DUSP7: variants seen among roughly 807,000 people sequenced by gnomAD.
The protein encoded by DUSP7 is dual specificity phosphatase 7.
In DUSP7, 7 loss-of-function variants were observed where a neutral mutation model predicts 29.8. That is an observed-to-expected ratio of 0.24 (90% confidence interval 0.13 to 0.44). The LOEUF (loss-of-function observed/expected upper bound fraction) is 0.44. Ranked by LOEUF, DUSP7 falls within the 20% of genes least tolerant of loss-of-function variation. The pLI, the probability that DUSP7 is intolerant of heterozygous loss-of-function variation, is 1.00. For missense variants in DUSP7, 400 were observed against 583.7 expected (o/e 0.69, Z 3.24); for synonymous variants, 287 against 275.4 (o/e 1.04, Z -0.42).
At position 52,050,630 on chromosome 3, in the gene DUSP7, A is replaced by T; in HGVS notation, c.*185T>A. 1.4e-6 allele frequency: 1 copy of T among 696,214 alleles called. No homozygotes were observed. The highest frequency in any genetic ancestry group is 2.3e-6 in the Non-Finnish European group (1 of 432,114). 43.1% of individuals were successfully genotyped at this position (696,214 alleles called of 1,614,324 possible). A position where few individuals can be genotyped will look rare whatever the true frequency, so the allele number is the denominator to read the frequency against. The stretch of plus-strand genomic sequence containing the variant: ...TCTCCAGCAAGCCCTGCAGTGGGAG[A>T]CCTTGCCTGCGGGCCCTGCCCCCAA... On this transcript the variant is annotated 3_prime_UTR_variant, in exon 3 of 3. Coordinates refer to ENST00000495880, the MANE Select transcript of DUSP7 (RefSeq NM_001947.4). This position sits in a 1 kb window ranked among gnomAD's most constrained non-coding sequence, Gnocchi z 5.0.
Position 52,050,727 on chromosome 3 carries a change from G to A in DUSP7, c.*88C>T. On this transcript the variant is annotated 3_prime_UTR_variant, in exon 3 of 3. Coordinates refer to ENST00000495880, the MANE Select transcript of DUSP7 (RefSeq NM_001947.4). The surrounding 1 kb of genome is among the most constrained non-coding windows in gnomAD (Gnocchi z 5.0). ...ACAGGTGACATCTGGGGGTTCCTCA[G>A]GCCAGAGGTGGCGGGCTTGGGCTCT... 4 of 1,422,218 alleles carry A rather than the reference G, an allele frequency of 2.8e-6. No homozygotes were observed. The highest frequency in any genetic ancestry group is 3.8e-6 in the Non-Finnish European group (4 of 1,054,192). 88.1% of individuals were successfully genotyped at this position (1,422,218 alleles called of 1,614,324 possible).
rs767025058 is a variant in DUSP7 at position 52,049,782 on chromosome 3, A to AAGAG, written c.*1029_*1032dup. On this transcript the variant is annotated 3_prime_UTR_variant, in exon 3 of 3. Transcript: ENST00000495880. ...AGAGAGAAAGAGAGAGAGGGAGAGG[A>AAGAG]AGAGAGAGAGACAGACAGACAGACA... 1 of 151,932 alleles carries AAGAG rather than the reference A, an allele frequency of 6.6e-6. No homozygotes were observed. 9.4% of individuals were successfully genotyped at this position (151,932 alleles called of 1,614,324 possible). A position where few individuals can be genotyped will look rare whatever the true frequency, so the allele number is the denominator to read the frequency against.
Position 52,053,900 on chromosome 3 carries a change from T to C in DUSP7, c.952+40A>G. The C allele has an allele frequency of 6.2e-7, 1 of 1,611,378 alleles. No individual in the cohort carries two copies. The highest frequency in any genetic ancestry group is 8.5e-7 in the Non-Finnish European group (1 of 1,177,828). On this transcript the variant is annotated intron_variant, in intron 2 of 2. Coordinates refer to ENST00000495880, the MANE Select transcript of DUSP7 (RefSeq NM_001947.4). The surrounding 1 kb of genome is among the most constrained non-coding windows in gnomAD (Gnocchi z 4.6). The stretch of plus-strand genomic sequence containing the variant: ...GCCACCCAGAGTCCTGCATACACCT[T>C]GATGCACCCACACCCCCCTGCCCAG...
chr3:52,055,986 G>C lies in DUSP7; in HGVS notation c.381C>G (p.Arg127=). 6.3e-7 allele frequency: 1 copy of C among 1,580,846 alleles called. No individual in the cohort carries two copies. The highest frequency in any genetic ancestry group is 8.6e-7 in the Non-Finnish European group (1 of 1,164,132). ...NHADKERFAT[R]CKAATVLLYD... ...AGAGCAGCACGGTGGCCGCCTTGCA[G>C]CGCGTGGCGAAGCGCTCCTTGTCGG... The change falls in exon 1 of 3, where the codon CGC becomes CGG. Residue 127 remains arginine (R), a synonymous_variant. Transcript: ENST00000495880.
chr3:52,050,428 C>A lies in DUSP7; in HGVS notation c.*387G>T. Reference sequence around the variant, plus strand: ...AAAGAAAAATCAAGAAGAGCTCAAACACTCTTTGTGCTCCAGGGAGCTTGG... The same window carrying A: ...AAAGAAAAATCAAGAAGAGCTCAAAAACTCTTTGTGCTCCAGGGAGCTTGG... On this transcript the variant is annotated 3_prime_UTR_variant, in exon 3 of 3. Transcript: ENST00000495880. The surrounding 1 kb of genome is among the most constrained non-coding windows in gnomAD (Gnocchi z 5.0). 1.2e-5 allele frequency: 2 copies of A among 163,856 alleles called. No individual in the cohort carries two copies. The highest frequency in any genetic ancestry group is 1.3e-5 in the Non-Finnish European group (1 of 77,470). 10.2% of individuals were successfully genotyped at this position (163,856 alleles called of 1,614,324 possible). A position where few individuals can be genotyped will look rare whatever the true frequency, so the allele number is the denominator to read the frequency against.
In DUSP7 at chr3:52,049,455, C is replaced by T. The variant is rs1217408605; in HGVS notation, c.*1360G>A. 2 of 152,292 alleles carry T rather than the reference C, an allele frequency of 1.3e-5. No individual in the cohort carries two copies. Among genetic ancestry groups the T allele is most frequent in the African/African-American group, 4.8e-5 (2 of 41,452 alleles). The allele number at this position is 152,292 out of a possible 1,614,324, so 9.4% of individuals were successfully genotyped here. ...AGGGGGAAGTGAACAGAGCCTTACC[C>T]CCCTTCTGCTGGTCCATCCTTGCCC... is the stretch of plus-strand genomic sequence containing the variant. On this transcript the variant is annotated 3_prime_UTR_variant, in exon 3 of 3. Coordinates refer to ENST00000495880, the MANE Select transcript of DUSP7 (RefSeq NM_001947.4).
rs1277165294 is a variant in DUSP7, at chr3:52,054,980, G to A, written c.518-606C>T. Among the ~76,000 whole-genome samples the A allele has an allele frequency of 2.0e-5, 3 of 152,170 alleles. No homozygotes were observed. The highest frequency in any genetic ancestry group is 2.0e-4 in the Admixed American group (3 of 15,282). On this transcript the variant is annotated intron_variant, in intron 1 of 2. Coordinates refer to ENST00000495880, the MANE Select transcript of DUSP7 (RefSeq NM_001947.4). The surrounding 1 kb of genome is among the most constrained non-coding windows in gnomAD (Gnocchi z 4.1). ...CCCCAGCAGGGGCAGGTTTTTGAAG[G>A]GGGTCCTGGCTCCACTTCTCTAGAA...
Position 52,055,765 on chromosome 3 carries a change from G to C in DUSP7, c.517+85C>G, listed in dbSNP as rs1487653089. The C allele has an allele frequency of 5.6e-6, 8 of 1,418,418 alleles. No individual in the cohort carries two copies. In the South Asian group the frequency reaches 1.2e-4, roughly 21 times the overall value. The allele number at this position is 1,418,418 out of a possible 1,614,324, so 87.9% of individuals were successfully genotyped here. On this transcript the variant is annotated intron_variant, in intron 1 of 2. Transcript: ENST00000495880. Reference sequence around the variant, plus strand: ...GCGCCCAGAGGGGCAGGCCGAGCGCGTGGAGAGGAAAGCGCCTCCAAGGGG... The same window carrying C: ...GCGCCCAGAGGGGCAGGCCGAGCGCCTGGAGAGGAAAGCGCCTCCAAGGGG...
chr3:52,056,437 C>A lies in DUSP7; in HGVS notation c.-71G>T. Reference sequence around the variant, plus strand: ...GGGACGGCGCCCCGGCCGCGCGGGCCCCAGCCGCGTCTCCGGGCGCCCGCC... The same window carrying A: ...GGGACGGCGCCCCGGCCGCGCGGGCACCAGCCGCGTCTCCGGGCGCCCGCC... On this transcript the variant is annotated 5_prime_UTR_variant, in exon 1 of 3. Transcript: ENST00000495880. This position sits in a 1 kb window ranked among gnomAD's most constrained non-coding sequence, Gnocchi z 6.4. 3.5e-6 allele frequency: 3 copies of A among 859,386 alleles called. No homozygotes were observed. Among genetic ancestry groups the A allele is most frequent in the Non-Finnish European group, 4.2e-6 (3 of 717,070 alleles). 53.2% of individuals were successfully genotyped at this position (859,386 alleles called of 1,614,324 possible).
chr3:52,052,148 G>A (rs1163877335), intron 2 of DUSP7: 1 of 152,260 alleles, frequency 6.6e-6, no homozygotes, highest in Non-Finnish European at 1.5e-5. Context: ...GCCTCTCTGT[G>A]TGCCACAGCT....
chr3:52,055,893 T>A lies in DUSP7; in HGVS notation c.474A>T (p.Leu158=). The change falls in exon 1 of 3, where the codon CTA becomes CTT. Residue 158 remains leucine (L), a synonymous_variant. Transcript: ENST00000495880. The part of the protein sequence containing the change: ...GAPASVLGLL[L]QKLRDDGCQA... ...GGCAGCCGTCGTCGCGCAGCTTCTG[T>A]AGGAGCAGGCCGAGCACGGAGGCGG... The A allele has an allele frequency of 6.3e-7, 1 of 1,576,236 alleles. No homozygotes were observed. The highest frequency in any genetic ancestry group is 8.6e-7 in the Non-Finnish European group (1 of 1,163,412).
chr3:52,056,010 G>A lies in DUSP7; in HGVS notation c.357C>T (p.Ala119=). The A allele has an allele frequency of 1.3e-6, 2 of 1,589,410 alleles. No individual in the cohort carries two copies. The highest frequency in any genetic ancestry group is 1.3e-5 in the African/African-American group (1 of 74,566). The change falls in exon 1 of 3, where the codon GCC becomes GCT. Residue 119 remains alanine (A), a synonymous_variant. Transcript: ENST00000495880. This position sits in a 1 kb window ranked among gnomAD's most constrained non-coding sequence, Gnocchi z 6.4. The stretch of plus-strand genomic sequence containing the variant: ...AGCGCGTGGCGAAGCGCTCCTTGTC[G>A]GCGTGGTTGGGGATGATGGAGCGGA... ...LPIRSIIPNH[A]DKERFATRCK... is the part of the protein sequence containing the mutation.
rs1701848461 is a variant in DUSP7, at chr3:52,051,628, C to T, written c.953-506G>A. 6.5e-6 allele frequency: 1 copy of T among 154,030 alleles called. No homozygotes were observed. Among genetic ancestry groups the T allele is most frequent in the African/African-American group, 2.4e-5 (1 of 41,480 alleles). 9.5% of individuals were successfully genotyped at this position (154,030 alleles called of 1,614,324 possible). A position where few individuals can be genotyped will look rare whatever the true frequency, so the allele number is the denominator to read the frequency against. ...AAGGCCACACAGAAGCTCCTCCTAG[C>T]TCAGCGCCCGCTGCTGCCAGGCCAT... is the stretch of plus-strand genomic sequence containing the variant. On this transcript the variant is annotated intron_variant, in intron 2 of 2. Transcript: ENST00000495880. The surrounding 1 kb of genome is among the most constrained non-coding windows in gnomAD (Gnocchi z 4.8).
rs1293526648 is a variant in DUSP7 at position 52,050,477 on chromosome 3, T to G, written c.*338A>C. ...GGATTTACCTGCCAAAAGTAAAAAG[T>G]AAACTCAGGTCCGTGGATGTGTCTT... On this transcript the variant is annotated 3_prime_UTR_variant, in exon 3 of 3. Coordinates refer to ENST00000495880, the MANE Select transcript of DUSP7 (RefSeq NM_001947.4). The surrounding 1 kb of genome is among the most constrained non-coding windows in gnomAD (Gnocchi z 5.0). 3 of 217,720 alleles carry G rather than the reference T, an allele frequency of 1.4e-5. No individual in the cohort carries two copies. The highest frequency in any genetic ancestry group is 2.7e-5 in the Non-Finnish European group (3 of 110,952). The allele number at this position is 217,720 out of a possible 1,614,324, so 13.5% of individuals were successfully genotyped here.
Position 52,056,479 on chromosome 3 carries a change from G to A in DUSP7, c.-113C>T, listed in dbSNP as rs1701902542. ...GCGCCCGCCTCCCGCCGAGCTGCGC[G>A]CCCGCCGCCCCGGCCTCCCGGCCTC... On this transcript the variant is annotated 5_prime_UTR_variant, in exon 1 of 3. Coordinates refer to ENST00000495880, the MANE Select transcript of DUSP7 (RefSeq NM_001947.4). The surrounding 1 kb of genome is among the most constrained non-coding windows in gnomAD (Gnocchi z 6.4). 2.1e-6 allele frequency: 1 copy of A among 477,002 alleles called. No individual in the cohort carries two copies. The highest frequency in any genetic ancestry group is 2.1e-5 in the African/African-American group (1 of 46,620). The allele number at this position is 477,002 out of a possible 1,614,324, so 29.5% of individuals were successfully genotyped here.
Position 52,054,965 on chromosome 3 carries a change from G to A in DUSP7, c.518-591C>T, listed in dbSNP as rs533890800. On this transcript the variant is annotated intron_variant, in intron 1 of 2. Transcript: ENST00000495880. The surrounding 1 kb of genome is among the most constrained non-coding windows in gnomAD (Gnocchi z 4.1). ...CTGGCTGGCCCCTTCCCCCAGCAGG[G>A]GCAGGTTTTTGAAGGGGGTCCTGGC... Among the ~76,000 whole-genome samples, 1 of 152,318 alleles carries A rather than the reference G, an allele frequency of 6.6e-6. No homozygotes were observed. The highest frequency in any genetic ancestry group is 2.1e-4 in the South Asian group (1 of 4,832).
chr3:52,054,088 C>T lies in DUSP7; in HGVS notation c.804G>A (p.Lys268=). Reference sequence around the variant, plus strand: ...CATTGAGGATATACTTGATGCCATACTTGCCGAGCACGTCCAGGTTGGTGG... The same window carrying T: ...CATTGAGGATATACTTGATGCCATATTTGCCGAGCACGTCCAGGTTGGTGG... ...KDSTNLDVLG[K]YGIKYILNVT... is the part of the protein sequence containing the mutation. Residue 268 remains lysine, a synonymous_variant, in exon 2 of 3, where the codon AAG becomes AAA. Transcript: ENST00000495880. This position sits in a 1 kb window ranked among gnomAD's most constrained non-coding sequence, Gnocchi z 4.1. 1 of 1,614,214 alleles carries T rather than the reference C, an allele frequency of 6.2e-7. No individual in the cohort carries two copies. The highest frequency in any genetic ancestry group is 8.5e-7 in the Non-Finnish European group (1 of 1,180,038).
chr3:52,056,196 G>C lies in DUSP7; in HGVS notation c.171C>G (p.Ala57=), dbSNP rs756816043. The change falls in exon 1 of 3, where the codon GCC becomes GCG. Residue 57 remains alanine, a synonymous_variant. Transcript: ENST00000495880. This position sits in a 1 kb window ranked among gnomAD's most constrained non-coding sequence, Gnocchi z 6.4. Reference sequence around the variant, plus strand: ...CCTCCAGCTCCTCCTGCAGCCACTCGGCGCTCTTGCAGGGCATGGCCCCTG... The same window carrying C: ...CCTCCAGCTCCTCCTGCAGCCACTCCGCGCTCTTGCAGGGCATGGCCCCTG... ...TGAGAMPCKS[A]EWLQEELEAR... 7 of 1,558,236 alleles carry C rather than the reference G, an allele frequency of 4.5e-6. No individual in the cohort carries two copies. Among genetic ancestry groups the C allele is most frequent in the South Asian group, 1.2e-5 (1 of 85,796 alleles).
chr3:52,054,133 G>A lies in DUSP7; in HGVS notation c.759C>T (p.Tyr253=). Residue 253 remains tyrosine, a synonymous_variant, in exon 2 of 3, where the codon TAC becomes TAT. Transcript: ENST00000495880. This position sits in a 1 kb window ranked among gnomAD's most constrained non-coding sequence, Gnocchi z 4.1. The stretch of plus-strand genomic sequence containing the variant: ...TGGTGGAGTCCTTGGCGCAGCCGAG[G>A]TAGAGGTAGGGCAGGATCTGGACAG... The part of the protein sequence containing the change: ...AFPVQILPYL[Y]LGCAKDSTNL... 3 of 1,614,214 alleles carry A rather than the reference G, an allele frequency of 1.9e-6. No homozygotes were observed. Among genetic ancestry groups the A allele is most frequent in the East Asian group, 4.5e-5 (2 of 44,880 alleles).
Sources: allele counts gnomAD v4.1 joint callset (sites outside exome capture counted in the v4.1 genomes callset), GRCh38; gene constraint gnomAD v4.1.1; non-coding constraint Gnocchi (gnomAD v3.1); transcripts MANE v1.5; gene names NCBI Gene and HGNC (gene_info 2026-07-23, HGNC 2026-07-21).